The following TSPAN18 variants were observed in gnomAD, a reference collection of about 807,000 sequenced individuals.
TSPAN18 encodes the protein tetraspanin 18.
A neutral mutation model predicts 27.3 loss-of-function variants in TSPAN18; 14 were observed. That is an observed-to-expected ratio of 0.51 (90% confidence interval 0.34 to 0.80). The LOEUF (loss-of-function observed/expected upper bound fraction) is 0.80, where lower values mean the gene tolerates loss of function less well. Ranked by LOEUF, TSPAN18 falls within the 30% of genes least tolerant of loss-of-function variation. The pLI, the probability that TSPAN18 is intolerant of heterozygous loss-of-function variation, is 0.01. For missense variants in TSPAN18, 268 were observed against 323.9 expected (o/e 0.83, Z 1.32); for synonymous variants, 143 against 136.5 (o/e 1.05, Z -0.33).
At chr11:44,773,281 T>C (rs1855731091) in intron 2 of TSPAN18, among the ~76,000 whole-genome samples, 2 of 151,984 alleles carry the variant, frequency 1.3e-5, no homozygotes, top group South Asian at 2.1e-4. Context: ...CCGGGCGTGG[T>C]GGCACATGCC....
chr11:44,920,076 C>T, intron 8 of TSPAN18, 77 bp downstream of exon 8: 1 of 1,443,436 alleles, frequency 6.9e-7, no homozygotes, highest in Non-Finnish European at 9.4e-7. Flanking sequence ...GAGGCGCTAT[C>T]ACCCCAGAGG....
At chr11:44,831,025 A>G (rs1026217479) in intron 2 of TSPAN18, among the ~76,000 whole-genome samples, 1 of 152,212 alleles carries the variant, frequency 6.6e-6, no homozygotes, top group Non-Finnish European at 1.5e-5. Flanking sequence ...AGGCAGGAGA[A>G]TTGCTTGAAC....
At chr11:44,736,739 A>G (rs1360005333) in intron 1 of TSPAN18, 1 of 152,200 alleles carries the variant, frequency 6.6e-6, no homozygotes, top group Non-Finnish European at 1.5e-5. Context: ...GGGTTAGGAC[A>G]CATTCTGAAC....
chr11:44,902,992 T>C (rs1386783833), intron 3 of TSPAN18, among the ~76,000 whole-genome samples: 3 of 152,152 alleles, frequency 2.0e-5, no homozygotes, highest in Non-Finnish European at 4.4e-5. Flanking sequence ...ACACTCCCTA[T>C]GTGGAGGGTT....
intron 2 of TSPAN18, among the ~76,000 whole-genome samples, chr11:44,820,311 C>A (rs1051776389): frequency 4.9e-4 from 74 of 152,330 alleles, no homozygotes; most frequent in African/African-American, 1.6e-3. Context: ...TTAGGTGGGG[C>A]CTTCCACACC....
chr11:44,894,112 T>A (rs922910585), intron 3 of TSPAN18, among the ~76,000 whole-genome samples: 3 of 152,088 alleles, frequency 2.0e-5, no homozygotes, highest in Non-Finnish European at 4.4e-5. Flanking sequence ...GGGAACGGGG[T>A]GTGCAGCCTG....
intron 2 of TSPAN18, among the ~76,000 whole-genome samples, chr11:44,839,636 C>T (rs1444467635): frequency 6.6e-6 from 1 of 152,158 alleles, no homozygotes; most frequent in Non-Finnish European, 1.5e-5. Flanking sequence ...TCCAACACCA[C>T]CACCACCTGC....
chr11:44,783,265 CTT>C (rs1339026211), intron 2 of TSPAN18, among the ~76,000 whole-genome samples: 1 of 152,114 alleles, frequency 6.6e-6, no homozygotes, highest in Non-Finnish European at 1.5e-5. Context: ...AAAAGGGAAA[CTT>C]GATAAACTGA....
chr11:44,785,166 A>C (rs1248689799), intron 2 of TSPAN18, among the ~76,000 whole-genome samples: 1 of 152,192 alleles, frequency 6.6e-6, no homozygotes, highest in Non-Finnish European at 1.5e-5. Context: ...ATATTTACAA[A>C]ATAAATGCAG....
chr11:44,737,676 C>T (rs1326398833), intron 1 of TSPAN18, among the ~76,000 whole-genome samples: 1 of 152,162 alleles, frequency 6.6e-6, no homozygotes, highest in Non-Finnish European at 1.5e-5. Context: ...TTGCTTAAAA[C>T]CCTTCGATGG....
At chr11:44,747,006 C>T (rs565969283) in intron 1 of TSPAN18, among the ~76,000 whole-genome samples, 5 of 152,366 alleles carry the variant, frequency 3.3e-5, no homozygotes, top group South Asian at 2.1e-4. Flanking sequence ...GTTCCCTCCT[C>T]GCTGGCCCAG....
intron 1 of TSPAN18, among the ~76,000 whole-genome samples, chr11:44,744,062 C>G (rs918856741): frequency 1.3e-5 from 2 of 152,146 alleles, no homozygotes; most frequent in African/African-American, 2.4e-5. Flanking sequence ...GCTTGGTTTT[C>G]ATTTGCAGCA....
Position 44,929,379 on chromosome 11 carries a change from C to G in TSPAN18, c.*201C>G. ...ACAAAAATATGGACTGATGTATCCT[C>G]GCCTGGACTCAGGGCAGGTGCCGTG... On this transcript the variant is annotated 3_prime_UTR_variant, in exon 10 of 10. Transcript: ENST00000520358. The G allele has an allele frequency of 1.5e-6, 1 of 655,082 alleles. No individual in the cohort carries two copies. The highest frequency in any genetic ancestry group is 2.6e-6 in the Non-Finnish European group (1 of 390,760). 40.6% of individuals were successfully genotyped at this position (655,082 alleles called of 1,614,324 possible). A position where few individuals can be genotyped will look rare whatever the true frequency, so the allele number is the denominator to read the frequency against.
At chr11:44,926,968 C>T (rs1328402128) in intron 9 of TSPAN18, among the ~76,000 whole-genome samples, 3 of 152,194 alleles carry the variant, frequency 2.0e-5, no homozygotes, top group Admixed American at 1.3e-4. Flanking sequence ...GAGCCAGTGT[C>T]CCAGAAATGG....
At chr11:44,817,952 T>C (rs753555828) in intron 2 of TSPAN18, among the ~76,000 whole-genome samples, 1 of 152,252 alleles carries the variant, frequency 6.6e-6, no homozygotes, top group Non-Finnish European at 1.5e-5. Context: ...ACTGAAATTA[T>C]TCCTGCTTTG....
At chr11:44,779,419 A>G (rs1855886844) in intron 2 of TSPAN18, among the ~76,000 whole-genome samples, 1 of 152,170 alleles carries the variant, frequency 6.6e-6, no homozygotes, top group Admixed American at 6.5e-5. Context: ...TGCTCTGGGC[A>G]GGAGTGACTA....
At chr11:44,844,493 C>T (rs1012672719) in intron 2 of TSPAN18, among the ~76,000 whole-genome samples, 2 of 152,212 alleles carry the variant, frequency 1.3e-5, no homozygotes, top group Non-Finnish European at 2.9e-5. Flanking sequence ...ACCTCCTCAT[C>T]CACACTTGGC....
chr11:44,804,538 G>A (rs1590500096), intron 2 of TSPAN18, among the ~76,000 whole-genome samples: 1 of 152,136 alleles, frequency 6.6e-6, no homozygotes, highest in Admixed American at 6.5e-5. Context: ...GAGGGAAGGA[G>A]GGAGGAAAGG....
At chr11:44,744,615 G>T (rs1431332001) in intron 1 of TSPAN18, among the ~76,000 whole-genome samples, 1 of 152,166 alleles carries the variant, frequency 6.6e-6, no homozygotes, top group Non-Finnish European at 1.5e-5. Flanking sequence ...CAAACCTAAT[G>T]CACAAACAGA....
Sources: allele counts gnomAD v4.1 joint callset (sites outside exome capture counted in the v4.1 genomes callset), GRCh38; gene constraint gnomAD v4.1.1; transcripts MANE v1.5; gene names NCBI Gene and HGNC (gene_info 2026-07-23, HGNC 2026-07-21).